MYB: variants seen among roughly 807,000 people sequenced by gnomAD.
MYB encodes transcriptional activator Myb.
Under a neutral mutation model 92.9 loss-of-function variants are expected in MYB, and 28 were observed. The observed-to-expected ratio is 0.30, with a 90% CI of 0.22 to 0.41. MYB has a LOEUF of 0.41. Among genes scored for constraint, MYB ranks in the 10% least tolerant of loss-of-function variants. The probability of loss-of-function intolerance (pLI) is 1.00; values close to 1 mark genes in which losing one functional copy is unlikely to be tolerated. For synonymous variants in MYB, 295 were observed against 329.1 expected (o/e 0.90, Z 1.12); for missense variants, 679 against 929.3 (o/e 0.73, Z 3.50).
Position 135,189,801 on chromosome 6 carries a change from A to C in MYB, c.224A>C (p.Asp75Ala). 1 of 1,613,980 alleles carries C rather than the reference A, an allele frequency of 6.2e-7. No individual in the cohort carries two copies. The highest frequency in any genetic ancestry group is 8.5e-7 in the Non-Finnish European group (1 of 1,179,834). The stretch of plus-strand genomic sequence containing the variant: ...ACTTTATTTGTCTAGAATCGAACAG[A>C]TGTGCAGTGCCAGCACCGATGGCAG... ...VIANYLPNRT[D>A]VQCQHRWQKV... The change falls in exon 4 of 16, where the codon GAT (aspartate) becomes GCT (alanine). Residue 75 changes from aspartate to alanine, a missense_variant. Physicochemically the swap from Asp to Ala is moderately radical, Grantham distance 126. This residue lies in a region of MYB where 88 missense variants were observed against 145.6 expected (regional missense o/e 0.60). Coordinates refer to ENST00000341911, the MANE Select transcript of MYB (RefSeq NM_001130173.2).
chr6:135,192,200 A>T, intron 5 of MYB, 124 bp from the exon 6 acceptor site: 1 of 744,094 alleles, frequency 1.3e-6, no homozygotes, highest in Non-Finnish European at 2.2e-6. Flanking sequence ...GGAAACAATT[A>T]AAAAGAGAAA....
At chr6:135,194,490 G>GGGAT (rs751099500) in intron 8 of MYB, 30 bp downstream of exon 8, 5 of 1,515,418 alleles carry the variant, frequency 3.3e-6, no homozygotes, top group Non-Finnish European at 4.6e-6. Flanking sequence ...CTTGAATGAG[G>GGGAT]GGATAGCAGC....
chr6:135,200,301 C>T lies in MYB; in HGVS notation c.1836C>T (p.Pro612=), dbSNP rs1394512266. The change falls in exon 13 of 16, where the codon CCC becomes CCT. Residue 612 remains proline (P), a synonymous_variant. Coordinates refer to ENST00000341911, the MANE Select transcript of MYB (RefSeq NM_001130173.2). ...YGPLKMLPQT[P]SHLVEDLQDV... ...ACTCTTCCGTTTAGCCTCAGACACC[C>T]TCTCATCTAGTAGAAGATCTGCAGG... is the stretch of plus-strand genomic sequence containing the variant. 14 of 1,613,972 alleles carry T rather than the reference C, an allele frequency of 8.7e-6. No individual in the cohort carries two copies. Among genetic ancestry groups the T allele is most frequent in the Admixed American group, 1.7e-5 (1 of 60,000 alleles).
intron 15 of MYB, among the ~76,000 whole-genome samples, chr6:135,213,693 G>A (rs1054466368): frequency 6.6e-6 from 1 of 152,078 alleles, no homozygotes; most frequent in Non-Finnish European, 1.5e-5. Flanking sequence ...ACTAGCCTGT[G>A]CAACACAGCG....
intron 15 of MYB, among the ~76,000 whole-genome samples, chr6:135,209,435 T>C (rs1197866229): frequency 1.3e-5 from 2 of 152,186 alleles, no homozygotes; most frequent in Non-Finnish European, 2.9e-5. Flanking sequence ...GGTTTCACCA[T>C]GTTGGCCAGG....
chr6:135,189,975 C>T (rs1776430537), intron 4 of MYB, 92 bp downstream of exon 4: 1 of 1,431,986 alleles, frequency 7.0e-7, no homozygotes, highest in Non-Finnish European at 9.7e-7. Flanking sequence ...GTAAAATGGG[C>T]AAACAGGAAG....
intron 15 of MYB, among the ~76,000 whole-genome samples, chr6:135,206,301 G>A (rs1778913284): frequency 6.6e-6 from 1 of 151,466 alleles, no homozygotes; most frequent in African/African-American, 2.4e-5. Flanking sequence ...GGGAGGCTAG[G>A]GCAGGAGGAT....
chr6:135,188,492 C>CTTTTTTTTTTT (rs528623055), intron 3 of MYB, among the ~76,000 whole-genome samples: 15 of 133,822 alleles, frequency 1.1e-4, no homozygotes, highest in Admixed American at 3.8e-4. Flanking sequence ...ATTTTTCTTT[C>CTTTTTTTTTTT]TTTTTTTTTT....
At chr6:135,195,669 CT>C in intron 8 of MYB, 78 bp from the exon 9 acceptor site, 1 of 1,503,486 alleles carries the variant, frequency 6.7e-7, no homozygotes, top group Admixed American at 1.7e-5. Flanking sequence ...CATCTGATAC[CT>C]TGTGCAACTT....
intron 12 of MYB, 28 bp downstream of exon 12, chr6:135,200,227 CA>C: frequency 6.2e-7 from 1 of 1,613,962 alleles, no homozygotes; most frequent in Middle Eastern, 1.6e-4. Context: ...TTTTGGATTT[CA>C]TTGGTTTATT....
At chr6:135,207,439 C>T (rs1039184041) in intron 15 of MYB, among the ~76,000 whole-genome samples, 1 of 152,174 alleles carries the variant, frequency 6.6e-6, no homozygotes, top group African/African-American at 2.4e-5. Flanking sequence ...CTGCGCAATT[C>T]TGTGTTTTAT....
Position 135,190,973 on chromosome 6 carries a change from A to AT in MYB, c.527+632dup, listed in dbSNP as rs1776550770. Among the ~76,000 whole-genome samples the AT allele has an allele frequency of 6.6e-6, 1 of 151,958 alleles. No individual in the cohort carries two copies. The highest frequency in any genetic ancestry group is 2.4e-5 in the African/African-American group (1 of 41,340). ...CACTACACCCAGCTGATTTTAAAAT[A>AT]TTTTTTGTAGAGATGGAATCCTGCT... On this transcript the variant is annotated intron_variant, in intron 5 of 15. Transcript: ENST00000341911. The surrounding 1 kb of genome is among the most constrained non-coding windows in gnomAD (Gnocchi z 4.5).
chr6:135,195,270 A>G, intron 8 of MYB: 1 of 349,296 alleles, frequency 2.9e-6, no homozygotes, highest in Non-Finnish European at 5.3e-6. Context: ...GCAGTGCTTC[A>G]CTGCATCAGT....
rs959879318 is a variant in MYB at position 135,189,772 on chromosome 6, G to A, written c.214-19G>A. The A allele has an allele frequency of 1.9e-6, 3 of 1,602,590 alleles. No individual in the cohort carries two copies. The highest frequency in any genetic ancestry group is 2.2e-5 in the East Asian group (1 of 44,824). On this transcript the variant is annotated intron_variant, in intron 3 of 15. Coordinates refer to ENST00000341911, the MANE Select transcript of MYB (RefSeq NM_001130173.2). ...TATCACATCATATCTTTATGGTGGT[G>A]CATACTTTATTTGTCTAGAATCGAA... is the stretch of plus-strand genomic sequence containing the variant.
At chr6:135,203,563 C>T in intron 15 of MYB, 1 of 716,828 alleles carries the variant, frequency 1.4e-6, no homozygotes, top group Non-Finnish European at 2.2e-6. Context: ...TTCCCCAAAG[C>T]ATGATGAAAT....
chr6:135,216,848 G>A (rs1035988043), intron 15 of MYB, among the ~76,000 whole-genome samples: 6 of 152,220 alleles, frequency 3.9e-5, no homozygotes, highest in African/African-American at 1.4e-4. Context: ...AGGAGCTGGA[G>A]ACAGCAAAGT....
rs538776096 is a variant in MYB, at chr6:135,193,234, G to GA, written c.763-597dup. ...TAGGTGGAAAAAGAAGAAGAAAGAG[G>GA]AAAAAAATCGAGAAACTTTAATCTT... On this transcript the variant is annotated intron_variant, in intron 6 of 15. Transcript: ENST00000341911. 1.8e-4 allele frequency among the ~76,000 whole-genome samples: 27 copies of GA among 151,916 alleles called. No homozygotes were observed. In the East Asian group the frequency reaches 3.7e-3, roughly 21 times the overall value.
chr6:135,190,406 T>G lies in MYB; in HGVS notation c.527+59T>G. 1 of 1,334,868 alleles carries G rather than the reference T, an allele frequency of 7.5e-7. No homozygotes were observed. Among genetic ancestry groups the G allele is most frequent in the Non-Finnish European group, 1.1e-6 (1 of 940,394 alleles). The allele number at this position is 1,334,868 out of a possible 1,614,324, so 82.7% of individuals were successfully genotyped here. Reference sequence around the variant, plus strand: ...AGAATGAGGGAGTGGGTATTGAACATTCTGCTTTAAATGTATGGTGAGTAA... The same window carrying G: ...AGAATGAGGGAGTGGGTATTGAACAGTCTGCTTTAAATGTATGGTGAGTAA... On this transcript the variant is annotated intron_variant, in intron 5 of 15. Transcript: ENST00000341911. The surrounding 1 kb of genome is among the most constrained non-coding windows in gnomAD (Gnocchi z 4.5).
At position 135,199,034 on chromosome 6, in the gene MYB, C is replaced by G; in HGVS notation, c.1693C>G (p.Gln565Glu). 1 of 1,603,242 alleles carries G rather than the reference C, an allele frequency of 6.2e-7. No homozygotes were observed. The highest frequency in any genetic ancestry group is 1.1e-5 in the South Asian group (1 of 88,450). Residue 565 changes from glutamine (Q) to glutamate (E), a missense_variant, in exon 11 of 16, where the codon CAA becomes GAA. This residue lies in a region of MYB where 402 missense variants were observed against 434.2 expected (regional missense o/e 0.93). Transcript: ENST00000341911. ...TCATAGAGACCAGACTGTGAAAACT[C>G]AAAAGGAAAATACTGTGTAAGTCTT... Reference protein sequence around the residue: ...PFHRDQTVKTQKENTVFRTPA... With the variant: ...PFHRDQTVKTEKENTVFRTPA...
Sources: gnomAD v4.1 joint callset for allele counts (sites outside exome capture counted in the v4.1 genomes callset) on GRCh38, gnomAD v4.1.1 for gene constraint, gnomAD v4.1.1 regional missense constraint, Gnocchi (gnomAD v3.1) non-coding constraint, MANE v1.5 for transcripts, NCBI Gene and HGNC (gene_info 2026-07-23, HGNC 2026-07-21) for gene names.